The following GC variants were observed in gnomAD, a reference collection of about 807,000 sequenced individuals.
The protein encoded by GC is GC vitamin D binding protein.
In GC, 43 loss-of-function variants were observed where a neutral mutation model predicts 56.7. That is an observed-to-expected ratio of 0.76 (90% CI 0.59 to 0.98). The LOEUF is 0.98. Among genes scored for constraint, GC ranks in the 50% least tolerant of loss-of-function variants. The probability of loss-of-function intolerance (pLI) is 0.00; values close to 1 mark genes in which losing one functional copy is unlikely to be tolerated. For synonymous variants in GC, 216 were observed against 202.7 expected, an observed-to-expected ratio of 1.07 and a Z score of -0.56; for missense variants, 529 against 545.9, an observed-to-expected ratio of 0.97 and a Z score of 0.31.
chr4:71,798,693 A>C (rs573629205), intron 1 of GC, among the ~76,000 whole-genome samples: 1 of 152,294 alleles, frequency 6.6e-6, no homozygotes, highest in South Asian at 2.1e-4. Flanking sequence ...GCCTTTCTTT[A>C]TTAGTGTATT....
intron 1 of GC, among the ~76,000 whole-genome samples, chr4:71,796,281 C>T (rs1454175047): frequency 1.3e-5 from 2 of 152,186 alleles, no homozygotes; most frequent in African/African-American, 4.8e-5. Context: ...CCATTCTCCC[C>T]GTCACTTTCA....
intron 1 of GC, among the ~76,000 whole-genome samples, chr4:71,796,107 A>T (rs1374095073): frequency 1.3e-5 from 2 of 151,766 alleles, no homozygotes; most frequent in Admixed American, 1.3e-4. Context: ...CTTTATTTCA[A>T]CCTTGGTGGA....
At chr4:71,769,081 C>T (rs111669111) in intron 2 of GC, among the ~76,000 whole-genome samples, 173 of 152,252 alleles carry the variant, frequency 1.1e-3, no homozygotes, top group African/African-American at 3.2e-3. Context: ...CTATGCTTTA[C>T]GTATTATCTT....
At chr4:71,757,276 A>G (rs1741809693) in intron 7 of GC, among the ~76,000 whole-genome samples, 1 of 152,172 alleles carries the variant, frequency 6.6e-6, no homozygotes, top group Admixed American at 6.6e-5. Flanking sequence ...GATAGATGTA[A>G]TACATGACAT....
At chr4:71,765,827 G>A (rs1241058010) in intron 3 of GC, among the ~76,000 whole-genome samples, 184 bp from the exon 4 acceptor site, 1 of 152,092 alleles carries the variant, frequency 6.6e-6, no homozygotes, top group Non-Finnish European at 1.5e-5. Context: ...GCAAGTATAG[G>A]ATCTTATTTA....
At chr4:71,804,709 A>T (rs1373784420), upstream of GC, among the ~76,000 whole-genome samples, 2 of 152,118 alleles carry the variant, frequency 1.3e-5, no homozygotes, top group African/African-American at 4.8e-5. Context: ...AAAAGTGTCG[A>T]AAGTAATGGG....
chr4:71,756,814 C>A lies in GC; in HGVS notation c.932G>T (p.Cys311Phe), dbSNP rs780473721. ...TTGGGCAGCTGGCATGAAGTAAGTG[C>A]ACACAAAAACGTCCATGGCTGTTTT... ...QEKTAMDVFV[C>F]TYFMPAAQLP... Residue 311 changes from cysteine to phenylalanine, a missense_variant, in exon 8 of 13, where the codon TGC becomes TTC. By Grantham distance (205) the Cys-to-Phe change is radical. Transcript: ENST00000273951. 125 of 1,612,942 alleles carry A rather than the reference C, an allele frequency of 7.7e-5. No homozygotes were observed. The Middle Eastern group carries it at 2.3e-3, about 30-fold the overall frequency.
At chr4:71,798,953 C>G (rs187621486) in intron 1 of GC, among the ~76,000 whole-genome samples, 1 of 152,116 alleles carries the variant, frequency 6.6e-6, no homozygotes, top group Non-Finnish European at 1.5e-5. Context: ...AACATTCACT[C>G]TTTTAAAGTA....
chr4:71,792,844 G>A (rs192866478), intron 1 of GC, among the ~76,000 whole-genome samples: 25 of 152,294 alleles, frequency 1.6e-4, no homozygotes, highest in Non-Finnish European at 2.8e-4. Context: ...TGTGTAAGGT[G>A]TAAGGAAGGG....
Position 71,760,713 on chromosome 4 carries a change from G to C in GC, c.702-2542C>G, listed in dbSNP as rs151286070. ...ACCTGGTGGGAGGTGATTGAATCAT[G>C]GGGGTGGGTCTTTCCTGAGCTGTTC... is the stretch of plus-strand genomic sequence containing the variant. On this transcript the variant is annotated intron_variant, in intron 6 of 12. Transcript: ENST00000273951. Among the ~76,000 whole-genome samples the C allele has an allele frequency of 3.9e-4, 60 of 152,258 alleles. 2 individuals carry two copies. The East Asian group carries it at 7.5e-3, about 19-fold the overall frequency.
Position 71,758,149 on chromosome 4 carries a change from T to G in GC, c.724A>C (p.Lys242Gln), listed in dbSNP as rs1301619383. The change falls in exon 7 of 13, where the codon AAA (lysine) becomes CAA (glutamine). Residue 242 changes from lysine (K) to glutamine (Q), a missense_variant. Lys to Gln is a moderately conservative substitution (Grantham distance 53, BLOSUM62 1). Transcript: ENST00000273951. ...RLSNLIKLAQ[K>Q]VPTADLEDVL... The stretch of plus-strand genomic sequence containing the variant: ...TCCTCCAGATCAGCAGTAGGCACTT[T>G]TTGGGCTAACTTTATGAGATTGCTA... The G allele has an allele frequency of 1.2e-6, 2 of 1,613,378 alleles. No homozygotes were observed. Among genetic ancestry groups the G allele is most frequent in the Admixed American group, 3.3e-5 (2 of 59,980 alleles).
intron 1 of GC, among the ~76,000 whole-genome samples, chr4:71,783,146 G>C (rs577980471): frequency 1.3e-5 from 2 of 151,712 alleles, no homozygotes; most frequent in Non-Finnish European, 3.0e-5. Flanking sequence ...GTACGAATTA[G>C]GTGAGGCTGT....
rs187227585 is a variant in GC at position 71,794,766 on chromosome 4, A to G, written c.21+9160T>C. Among the ~76,000 whole-genome samples the G allele has an allele frequency of 2.6e-3, 389 of 152,000 alleles. 4 individuals carry two copies. The highest frequency in any genetic ancestry group is 0.02 in the Admixed American group (312 of 15,272). On this transcript the variant is annotated intron_variant, in intron 1 of 13. Coordinates refer to the GC transcript ENST00000504199. ...TGTGATATTAGGGTGTTGATTTTTT[A>G]TCTTTCCTGCTTTCTCTTGTGGGCA...
At chr4:71,790,840 T>A (rs1174204619) in intron 1 of GC, among the ~76,000 whole-genome samples, 2 of 152,112 alleles carry the variant, frequency 1.3e-5, no homozygotes, top group East Asian at 3.9e-4. Flanking sequence ...TATGTATACA[T>A]GTGCCATGCT....
chr4:71,771,661 CA>C (rs779924862), intron 1 of GC, among the ~76,000 whole-genome samples: 7 of 152,016 alleles, frequency 4.6e-5, no homozygotes, highest in Admixed American at 1.3e-4. Context: ...TTAGTGGAAC[CA>C]AAAAAACCAC....
At chr4:71,750,285 C>T (rs1741503790) in intron 11 of GC, among the ~76,000 whole-genome samples, 1 of 152,132 alleles carries the variant, frequency 6.6e-6, no homozygotes, top group African/African-American at 2.4e-5. Flanking sequence ...GAAGAATGTT[C>T]TCATAATGCA....
chr4:71,775,279 G>A lies in GC; in HGVS notation c.59-5879C>T, dbSNP rs147133635. The stretch of plus-strand genomic sequence containing the variant: ...GCAAAGATCATGTCTAAATTTTTAG[G>A]TCCTGGATGCCTGGCACAATTCTGG... On this transcript the variant is annotated intron_variant, in intron 1 of 12. Coordinates refer to ENST00000273951, the MANE Select transcript of GC (RefSeq NM_000583.4). 6.6e-4 allele frequency among the ~76,000 whole-genome samples: 100 copies of A among 151,766 alleles called. 1 individual carries two copies. Among genetic ancestry groups the A allele is most frequent in the African/African-American group, 2.4e-3 (99 of 41,440 alleles).
At chr4:71,768,671 G>A (rs1742250551) in intron 2 of GC, among the ~76,000 whole-genome samples, 1 of 152,088 alleles carries the variant, frequency 6.6e-6, no homozygotes, top group Non-Finnish European at 1.5e-5. Context: ...TCACCATGTT[G>A]GCCAGGATGG....
intron 1 of GC, among the ~76,000 whole-genome samples, chr4:71,770,164 G>A (rs999861620): frequency 6.6e-6 from 1 of 152,154 alleles, no homozygotes; most frequent in African/African-American, 2.4e-5. Flanking sequence ...ATTCAGGCTG[G>A]AGAAATCTAG....
Sources: allele counts gnomAD v4.1 joint callset (sites outside exome capture counted in the v4.1 genomes callset), GRCh38; gene constraint gnomAD v4.1.1; transcripts MANE v1.5; gene names NCBI Gene and HGNC (gene_info 2026-07-23, HGNC 2026-07-21).